The following CLVS2 variants were observed in gnomAD, a reference collection of about 807,000 sequenced individuals.
CLVS2 encodes clavesin 2.
In CLVS2, 19 loss-of-function variants were observed where a neutral mutation model predicts 29.0. The observed-to-expected ratio is 0.66, with a 90% CI of 0.46 to 0.96. The LOEUF (loss-of-function observed/expected upper bound fraction) is 0.96, where lower values mean the gene tolerates loss of function less well. CLVS2 is among the 40% of genes least tolerant of loss of function. CLVS2 has a pLI of 0.00. For missense variants in CLVS2, 294 were observed against 404.1 expected, an observed-to-expected ratio of 0.73 and a Z score of 2.34; for synonymous variants, 161 against 151.3, an observed-to-expected ratio of 1.06 and a Z score of -0.47.
intron 3 of CLVS2, among the ~76,000 whole-genome samples, chr6:123,039,215 C>G (rs1311913819): frequency 6.6e-6 from 1 of 152,154 alleles, no homozygotes; most frequent in African/African-American, 2.4e-5. Context: ...AGAACATCAG[C>G]ACTTCTAAAT....
intron 3 of CLVS2, among the ~76,000 whole-genome samples, chr6:123,042,728 G>T (rs1175382743): frequency 1.3e-5 from 2 of 152,164 alleles, no homozygotes; most frequent in African/African-American, 4.8e-5. Flanking sequence ...TCGTCAGGAA[G>T]GCAAGTGAAT....
chr6:123,045,011 G>T (rs1379920618), intron 3 of CLVS2, among the ~76,000 whole-genome samples: 1 of 152,102 alleles, frequency 6.6e-6, no homozygotes, highest in Admixed American at 6.5e-5. Flanking sequence ...AACAGATATT[G>T]TGAGTGATCA....
chr6:123,062,598 C>T (rs1772794812), intron 5 of CLVS2, among the ~76,000 whole-genome samples: 1 of 151,910 alleles, frequency 6.6e-6, no homozygotes, highest in Non-Finnish European at 1.5e-5. Context: ...ATTTTCATTC[C>T]CTCTTTAGGA....
At chr6:123,058,676 G>A (rs1241759952) in intron 5 of CLVS2, among the ~76,000 whole-genome samples, 1 of 151,832 alleles carries the variant, frequency 6.6e-6, no homozygotes, top group East Asian at 1.9e-4. Flanking sequence ...TTTGAGGCAG[G>A]TTCTCTTTGT....
intron 3 of CLVS2, among the ~76,000 whole-genome samples, chr6:123,042,483 A>G (rs1044757160): frequency 6.6e-6 from 1 of 152,154 alleles, no homozygotes; most frequent in African/African-American, 2.4e-5. Context: ...AGTTAAGTGG[A>G]CAGAGGTGGA....
chr6:123,009,311 A>G (rs943503533), intron 2 of CLVS2, among the ~76,000 whole-genome samples: 1 of 152,058 alleles, frequency 6.6e-6, no homozygotes, highest in African/African-American at 2.4e-5. Context: ...CTGGGCAGAG[A>G]TTGCATCTTG....
chr6:123,021,420 T>A (rs1397191352), intron 3 of CLVS2, among the ~76,000 whole-genome samples: 3 of 152,030 alleles, frequency 2.0e-5, no homozygotes, highest in Non-Finnish European at 4.4e-5. Context: ...ACTTAATACA[T>A]GCTTCAGTTA....
In CLVS2 at chr6:123,066,359, TAC is replaced by T. The variant is rs71541221; in HGVS notation, c.*2615_*2616del. On this transcript the variant is annotated 3_prime_UTR_variant, in exon 6 of 6. Coordinates refer to ENST00000275162, the MANE Select transcript of CLVS2 (RefSeq NM_001010852.4). ...ACCTCCACTCTCTCTCTCTCTCTCA[TAC>T]ACACACACACACACACTCTTACACA... The T allele has an allele frequency of 5.5e-3, 813 of 147,832 alleles. 4 individuals carry two copies. The highest frequency in any genetic ancestry group is 0.023 in the East Asian group (114 of 5,060). 9.2% of individuals were successfully genotyped at this position (147,832 alleles called of 1,614,324 possible).
chr6:123,030,278 TATAAGAGACAG>T (rs1285682492), intron 3 of CLVS2, among the ~76,000 whole-genome samples: 1 of 152,198 alleles, frequency 6.6e-6, no homozygotes, highest in African/African-American at 2.4e-5. Context: ...GTGGAGCTAT[TATAAGAGACAG>T]ATAAGAGACT....
intron 3 of CLVS2, among the ~76,000 whole-genome samples, chr6:123,019,553 C>T (rs1423727535): frequency 6.6e-6 from 1 of 151,860 alleles, no homozygotes; most frequent in African/African-American, 2.4e-5. Flanking sequence ...ATGCAATACA[C>T]CTGTGATTCT....
chr6:123,067,568 A>T lies in CLVS2; in HGVS notation c.*3807A>T, dbSNP rs1313249707. The stretch of plus-strand genomic sequence containing the variant: ...CCATCAGCCATGAGGACACTTCAAA[A>T]ATTTTCAACACACTAAATAAAATGA... On this transcript the variant is annotated 3_prime_UTR_variant, in exon 6 of 6. Coordinates refer to ENST00000275162, the MANE Select transcript of CLVS2 (RefSeq NM_001010852.4). 6.6e-6 allele frequency: 1 copy of T among 151,748 alleles called. No homozygotes were observed. The highest frequency in any genetic ancestry group is 2.4e-5 in the African/African-American group (1 of 41,404). 9.4% of individuals were successfully genotyped at this position (151,748 alleles called of 1,614,324 possible).
rs903696415 is a variant in CLVS2 at position 123,065,700 on chromosome 6, G to A, written c.*1939G>A. On this transcript the variant is annotated 3_prime_UTR_variant, in exon 6 of 6. Transcript: ENST00000275162. ...ACATTTTGTAGCCATGGGCTTTTTA[G>A]ACTATATAAATCTTAGGCAGTATAA... The A allele has an allele frequency of 2.0e-5, 3 of 151,694 alleles. No homozygotes were observed. The highest frequency in any genetic ancestry group is 7.2e-5 in the African/African-American group (3 of 41,382). The allele number at this position is 151,694 out of a possible 1,614,324, so 9.4% of individuals were successfully genotyped here. A position where few individuals can be genotyped will look rare whatever the true frequency, so the allele number is the denominator to read the frequency against.
chr6:123,020,803 C>T (rs1399337174), intron 3 of CLVS2, among the ~76,000 whole-genome samples: 3 of 151,916 alleles, frequency 2.0e-5, no homozygotes, highest in East Asian at 3.9e-4. Context: ...ATATTATATA[C>T]TTCAAATAAT....
intron 3 of CLVS2, among the ~76,000 whole-genome samples, chr6:123,021,429 T>TA (rs988192403): frequency 2.6e-5 from 4 of 151,516 alleles, no homozygotes; most frequent in East Asian, 1.9e-4. Flanking sequence ...ATGCTTCAGT[T>TA]AAAAAAAAAT....
At chr6:123,045,889 GT>G in intron 3 of CLVS2, among the ~76,000 whole-genome samples, 1 of 152,222 alleles carries the variant, frequency 6.6e-6, no homozygotes, top group South Asian at 2.1e-4. Context: ...TGGAAATGAT[GT>G]TTTTGGAGCT....
At chr6:123,050,679 G>T (rs546094233) in intron 4 of CLVS2, among the ~76,000 whole-genome samples, 2 of 152,100 alleles carry the variant, frequency 1.3e-5, no homozygotes, top group African/African-American at 2.4e-5. Context: ...GATGGGATAG[G>T]GGGGACTGCT....
intron 3 of CLVS2, among the ~76,000 whole-genome samples, chr6:123,015,728 C>A (rs1774821941): frequency 6.6e-6 from 1 of 152,066 alleles, no homozygotes; most frequent in South Asian, 2.1e-4. Context: ...ACTTTTTTGA[C>A]ACCGCATGGC....
At chr6:123,042,050 G>T (rs966042398) in intron 3 of CLVS2, among the ~76,000 whole-genome samples, 10 of 152,000 alleles carry the variant, frequency 6.6e-5, no homozygotes, top group African/African-American at 2.4e-4. Context: ...ATTCATTATG[G>T]TAAATCCATA....
At chr6:123,035,043 GT>G (rs1311556492) in intron 3 of CLVS2, among the ~76,000 whole-genome samples, 1 of 152,136 alleles carries the variant, frequency 6.6e-6, no homozygotes, top group African/African-American at 2.4e-5. Flanking sequence ...AGAAAGAACA[GT>G]TTATTATATC....
Sources: gnomAD v4.1 joint callset for allele counts (sites outside exome capture counted in the v4.1 genomes callset) on GRCh38, gnomAD v4.1.1 for gene constraint, MANE v1.5 for transcripts, NCBI Gene and HGNC (gene_info 2026-07-23, HGNC 2026-07-21) for gene names.